AMIGO1: variants seen among roughly 807,000 people sequenced by gnomAD.
The protein encoded by AMIGO1 is adhesion molecule with Ig like domain 1.
For synonymous variants in AMIGO1, 249 were observed against 266.3 expected (o/e 0.93, Z 0.63); for missense variants, 361 against 612.3 (o/e 0.59, Z 4.33).
chr1:109,507,372 T>C lies in AMIGO1; in HGVS notation c.*59A>G. 2.0e-6 allele frequency: 3 copies of C among 1,532,054 alleles called. No homozygotes were observed. The highest frequency in any genetic ancestry group is 2.6e-6 in the Non-Finnish European group (3 of 1,137,298). 94.9% of individuals were successfully genotyped at this position (1,532,054 alleles called of 1,614,324 possible). On this transcript the variant is annotated 3_prime_UTR_variant, in exon 2 of 2. Transcript: ENST00000369864. This position sits in a 1 kb window ranked among gnomAD's most constrained non-coding sequence, Gnocchi z 4.7. The stretch of plus-strand genomic sequence containing the variant: ...GCCAGCCCTCTCTTCCATCCCCTCA[T>C]ATCCTTCAGGGGTGCATTACCTCTC...
rs1005277760 is a variant in AMIGO1, at chr1:109,507,489, C to T, written c.1424G>A (p.Arg475Lys). The T allele has an allele frequency of 1.9e-5, 30 of 1,613,726 alleles. No individual in the cohort carries two copies. The highest frequency in any genetic ancestry group is 2.2e-5 in the Non-Finnish European group (26 of 1,179,800). The change falls in exon 2 of 2, where the codon AGG (arginine) becomes AAG (lysine). Residue 475 changes from arginine (R) to lysine (K), a missense_variant. Physicochemically the swap from Arg to Lys is conservative, Grantham distance 26 (BLOSUM62 2). Transcript: ENST00000369864. This position sits in a 1 kb window ranked among gnomAD's most constrained non-coding sequence, Gnocchi z 4.7. Reference protein sequence around the residue: ...VPEATGKGQRRMSDPESVSSV... With the variant: ...VPEATGKGQRKMSDPESVSSV... The stretch of plus-strand genomic sequence containing the variant: ...GCTGACTGATTCTGGATCCGACATC[C>T]TCCGTTGGCCCTTGCCTGTGGCCTC...
chr1:109,507,818 T>C lies in AMIGO1; in HGVS notation c.1095A>G (p.Gly365=). The C allele has an allele frequency of 6.2e-7, 1 of 1,614,116 alleles. No homozygotes were observed. Among genetic ancestry groups the C allele is most frequent in the East Asian group, 2.2e-5 (1 of 44,890 alleles). ...AGGCTGTGTTGAGGGTGTCATGGTG[T>C]CCGTGCAAGGTGAAATTGTGCACTT... ...ELKVHNFTLH[G]HHDTLNTAYT... is the part of the protein sequence containing the mutation. Residue 365 remains glycine, a synonymous_variant, in exon 2 of 2, where the codon GGA becomes GGG. Transcript: ENST00000369864. The surrounding 1 kb of genome is among the most constrained non-coding windows in gnomAD (Gnocchi z 4.7).
intron 1 of AMIGO1, 129 bp from the exon 2 acceptor site, chr1:109,509,128 A>C: frequency 1.7e-6 from 1 of 600,748 alleles, no homozygotes; most frequent in South Asian, 2.2e-5. Flanking sequence ...GGTAGTTTCC[A>C]GGCACTGTGC....
rs768061906 is a variant in AMIGO1, at chr1:109,507,691, T to C, written c.1222A>G (p.Ser408Gly). 6.2e-7 allele frequency: 1 copy of C among 1,614,128 alleles called. No individual in the cohort carries two copies. Among genetic ancestry groups the C allele is most frequent in the South Asian group, 1.1e-5 (1 of 91,078 alleles). ...CWCRGVEKPS[S>G]HQGDSLSSSM... is the part of the protein sequence containing the mutation. ...GAGCTGAGGCTGTCTCCTTGATGGC[T>C]GGAAGGCTTCTCTACACCCCGGCAC... The change falls in exon 2 of 2, where the codon AGC becomes GGC. Residue 408 changes from serine to glycine, a missense_variant. By Grantham distance (56) the Ser-to-Gly change is moderately conservative. Transcript: ENST00000369864. The surrounding 1 kb of genome is among the most constrained non-coding windows in gnomAD (Gnocchi z 4.7).
Position 109,507,654 on chromosome 1 carries a change from C to T in AMIGO1, c.1259G>A (p.Ser420Asn). Residue 420 changes from serine (S) to asparagine (N), a missense_variant, in exon 2 of 2, where the codon AGT (serine) becomes AAT (asparagine). Physicochemically the swap from Ser to Asn is conservative, Grantham distance 46. Transcript: ENST00000369864. The surrounding 1 kb of genome is among the most constrained non-coding windows in gnomAD (Gnocchi z 4.7). ...CATAGGATCATGGTTGGGTGTGGTA[C>T]TAAGCATGGAAGAGCTGAGGCTGTC... is the stretch of plus-strand genomic sequence containing the variant. ...QGDSLSSSML[S>N]TTPNHDPMAG... 1 of 1,614,140 alleles carries T rather than the reference C, an allele frequency of 6.2e-7. No homozygotes were observed. The highest frequency in any genetic ancestry group is 8.5e-7 in the Non-Finnish European group (1 of 1,180,020).
rs1412200090 is a variant in AMIGO1, at chr1:109,505,813, C to T, written c.*1618G>A. On this transcript the variant is annotated 3_prime_UTR_variant, in exon 2 of 2. Coordinates refer to ENST00000369864, the MANE Select transcript of AMIGO1 (RefSeq NM_020703.4). The stretch of plus-strand genomic sequence containing the variant: ...GACTAGAAACGTGGGAGAGAAGAGA[C>T]CCTAAGAAAAACCAACATCAGAGAA... 1 of 152,308 alleles carries T rather than the reference C, an allele frequency of 6.6e-6. No individual in the cohort carries two copies. The highest frequency in any genetic ancestry group is 1.9e-4 in the East Asian group (1 of 5,180). 9.4% of individuals were successfully genotyped at this position (152,308 alleles called of 1,614,324 possible). A position where few individuals can be genotyped will look rare whatever the true frequency, so the allele number is the denominator to read the frequency against.
Position 109,505,212 on chromosome 1 carries a change from G to C in AMIGO1, c.*2219C>G, listed in dbSNP as rs1195299361. ...AGTCTTCACGGGAGGTTTCTGAGGA[G>C]TCCAAAGAACCAGGTAGCTCCTTAC... On this transcript the variant is annotated 3_prime_UTR_variant, in exon 2 of 2. Transcript: ENST00000369864. 6.6e-6 allele frequency: 1 copy of C among 152,204 alleles called. No homozygotes were observed. Among genetic ancestry groups the C allele is most frequent in the Non-Finnish European group, 1.5e-5 (1 of 68,044 alleles). The allele number at this position is 152,204 out of a possible 1,614,324, so 9.4% of individuals were successfully genotyped here.
Position 109,507,820 on chromosome 1 carries a change from C to T in AMIGO1, c.1093G>A (p.Gly365Arg), listed in dbSNP as rs1200989755. 22 of 1,613,914 alleles carry T rather than the reference C, an allele frequency of 1.4e-5. No individual in the cohort carries two copies. Among genetic ancestry groups the T allele is most frequent in the East Asian group, 2.2e-5 (1 of 44,896 alleles). Residue 365 changes from glycine (G) to arginine (R), a missense_variant, in exon 2 of 2, where the codon GGA becomes AGA. Gly to Arg is a moderately radical substitution (Grantham distance 125). Transcript: ENST00000369864. This position sits in a 1 kb window ranked among gnomAD's most constrained non-coding sequence, Gnocchi z 4.7. ...GCTGTGTTGAGGGTGTCATGGTGTCCGTGCAAGGTGAAATTGTGCACTTTC... is the reference window on the plus strand; with the variant it reads ...GCTGTGTTGAGGGTGTCATGGTGTCTGTGCAAGGTGAAATTGTGCACTTTC... Reference protein sequence around the residue: ...ELKVHNFTLHGHHDTLNTAYT... With the variant: ...ELKVHNFTLHRHHDTLNTAYT...
Position 109,507,260 on chromosome 1 carries a change from G to A in AMIGO1, c.*171C>T. On this transcript the variant is annotated 3_prime_UTR_variant, in exon 2 of 2. Coordinates refer to ENST00000369864, the MANE Select transcript of AMIGO1 (RefSeq NM_020703.4). The surrounding 1 kb of genome is among the most constrained non-coding windows in gnomAD (Gnocchi z 4.7). ...TAATATACCCCCATTTGAAAATCGT[G>A]GCAGCCACGCCCTGTTTGGGGTCTT... The A allele has an allele frequency of 1.2e-6, 1 of 848,830 alleles. No individual in the cohort carries two copies. The highest frequency in any genetic ancestry group is 1.8e-6 in the Non-Finnish European group (1 of 564,360). 52.6% of individuals were successfully genotyped at this position (848,830 alleles called of 1,614,324 possible).
Position 109,508,882 on chromosome 1 carries a change from A to C in AMIGO1, c.31T>G (p.Trp11Gly). Residue 11 changes from tryptophan (W) to glycine (G), a missense_variant, in exon 2 of 2, where the codon TGG becomes GGG. Physicochemically the swap from Trp to Gly is radical, Grantham distance 184 (BLOSUM62 -2). Coordinates refer to ENST00000369864, the MANE Select transcript of AMIGO1 (RefSeq NM_020703.4). This position sits in a 1 kb window ranked among gnomAD's most constrained non-coding sequence, Gnocchi z 7.8. Reference protein sequence around the residue: MHPHRDPRGLWLLLPSLSLLL... With the variant: MHPHRDPRGLGLLLPSLSLLL... Reference sequence around the variant, plus strand: ...AGGGACAAGGACGGCAGCAGGAGCCAGAGGCCTCTCGGGTCACGGTGGGGG... The same window carrying C: ...AGGGACAAGGACGGCAGCAGGAGCCCGAGGCCTCTCGGGTCACGGTGGGGG... 1 of 1,597,462 alleles carries C rather than the reference A, an allele frequency of 6.3e-7. No individual in the cohort carries two copies. Among genetic ancestry groups the C allele is most frequent in the Non-Finnish European group, 8.5e-7 (1 of 1,170,754 alleles).
In AMIGO1 at chr1:109,506,099, T is replaced by C. The variant is rs905181045; in HGVS notation, c.*1332A>G. ...AAAGTTTAGTACTACTGATTATCTC[T>C]GCTTCAGGATTGCCTGGAATCTGTG... On this transcript the variant is annotated 3_prime_UTR_variant, in exon 2 of 2. Transcript: ENST00000369864. The C allele has an allele frequency of 2.0e-5, 3 of 152,192 alleles. No individual in the cohort carries two copies. The highest frequency in any genetic ancestry group is 2.9e-5 in the Non-Finnish European group (2 of 68,026). The allele number at this position is 152,192 out of a possible 1,614,324, so 9.4% of individuals were successfully genotyped here. A position where few individuals can be genotyped will look rare whatever the true frequency, so the allele number is the denominator to read the frequency against.
rs2101060890 is a variant in AMIGO1, at chr1:109,508,974, T to C, written c.-62A>G. 6.8e-7 allele frequency: 1 copy of C among 1,459,876 alleles called. No individual in the cohort carries two copies. The highest frequency in any genetic ancestry group is 9.1e-7 in the Non-Finnish European group (1 of 1,102,770). 90.4% of individuals were successfully genotyped at this position (1,459,876 alleles called of 1,614,324 possible). A position where few individuals can be genotyped will look rare whatever the true frequency, so the allele number is the denominator to read the frequency against. On this transcript the variant is annotated 5_prime_UTR_variant, in exon 2 of 2. The change abolishes an upstream ATG in the 5' untranslated region. Coordinates refer to ENST00000369864, the MANE Select transcript of AMIGO1 (RefSeq NM_020703.4). The surrounding 1 kb of genome is among the most constrained non-coding windows in gnomAD (Gnocchi z 7.8). Reference sequence around the variant, plus strand: ...GATCTGGGAGGAGGTCACCCGGGCATGTTCTGGTGGGGTACGGAAGGGTCA... The same window carrying C: ...GATCTGGGAGGAGGTCACCCGGGCACGTTCTGGTGGGGTACGGAAGGGTCA...
chr1:109,507,418 C>T lies in AMIGO1; in HGVS notation c.*13G>A, dbSNP rs1299311856. 6 of 1,575,126 alleles carry T rather than the reference C, an allele frequency of 3.8e-6. No homozygotes were observed. In the African/African-American group the frequency reaches 8.1e-5, roughly 21 times the overall value. On this transcript the variant is annotated 3_prime_UTR_variant, in exon 2 of 2. Coordinates refer to ENST00000369864, the MANE Select transcript of AMIGO1 (RefSeq NM_020703.4). The surrounding 1 kb of genome is among the most constrained non-coding windows in gnomAD (Gnocchi z 4.7). ...CTCTCCTGGGGCAGAATCTCCCCAC[C>T]AACCCATCCTGCTCACACCACAATG...
rs1323341260 is a variant in AMIGO1 at position 109,505,899 on chromosome 1, T to G, written c.*1532A>C. 2 of 152,250 alleles carry G rather than the reference T, an allele frequency of 1.3e-5. No homozygotes were observed. Among genetic ancestry groups the G allele is most frequent in the African/African-American group, 4.8e-5 (2 of 41,446 alleles). 9.4% of individuals were successfully genotyped at this position (152,250 alleles called of 1,614,324 possible). Reference sequence around the variant, plus strand: ...GCTCAGAGCAGCCACTCACAGGGCATGCAGTGTAGTCAAAGGGAAAGGTTA... The same window carrying G: ...GCTCAGAGCAGCCACTCACAGGGCAGGCAGTGTAGTCAAAGGGAAAGGTTA... On this transcript the variant is annotated 3_prime_UTR_variant, in exon 2 of 2. Transcript: ENST00000369864.
chr1:109,507,997 T>G lies in AMIGO1; in HGVS notation c.916A>C (p.Asn306His). ...GMTKVWVTPS[N>H]ERVLDEVTNG... The stretch of plus-strand genomic sequence containing the variant: ...GTCACCTCATCTAGCACCCGTTCAT[T>G]ACTTGGTGTCACCCACACCTTGGTC... The change falls in exon 2 of 2, where the codon AAT becomes CAT. Residue 306 changes from asparagine (N) to histidine (H), a missense_variant. Transcript: ENST00000369864. This position sits in a 1 kb window ranked among gnomAD's most constrained non-coding sequence, Gnocchi z 4.7. 1 of 1,614,164 alleles carries G rather than the reference T, an allele frequency of 6.2e-7. No individual in the cohort carries two copies. Among genetic ancestry groups the G allele is most frequent in the Non-Finnish European group, 8.5e-7 (1 of 1,180,024 alleles).
chr1:109,507,500 C>T lies in AMIGO1; in HGVS notation c.1413G>A (p.Lys471=). ...CTGGATCCGACATCCTCCGTTGGCC[C>T]TTGCCTGTGGCCTCAGGCACTGGCA... ...NTLPVPEATG[K]GQRRMSDPES... is the part of the protein sequence containing the mutation. Residue 471 remains lysine, a synonymous_variant, in exon 2 of 2, where the codon AAG becomes AAA. Transcript: ENST00000369864. The surrounding 1 kb of genome is among the most constrained non-coding windows in gnomAD (Gnocchi z 4.7). 5 of 1,614,202 alleles carry T rather than the reference C, an allele frequency of 3.1e-6. No homozygotes were observed. The highest frequency in any genetic ancestry group is 4.2e-6 in the Non-Finnish European group (5 of 1,180,030).
rs749853651 is a variant in AMIGO1 at position 109,508,451 on chromosome 1, G to A, written c.462C>T (p.Phe154=). Residue 154 remains phenylalanine (F), a synonymous_variant, in exon 2 of 2, where the codon TTC becomes TTT. Transcript: ENST00000369864. This position sits in a 1 kb window ranked among gnomAD's most constrained non-coding sequence, Gnocchi z 7.8. The part of the protein sequence containing the change: ...NHIMAVDRCA[F]DDMAQLQKLY... ...GTTTCTGCAGCTGGGCCATGTCATC[G>A]AAGGCGCACCGGTCCACCGCCATGA... The A allele has an allele frequency of 1.2e-5, 20 of 1,613,960 alleles. No individual in the cohort carries two copies. The highest frequency in any genetic ancestry group is 1.6e-5 in the Non-Finnish European group (19 of 1,180,028).
In AMIGO1 at chr1:109,505,654, G is replaced by A. The variant is rs12730618; in HGVS notation, c.*1777C>T. 283 of 152,312 alleles carry A rather than the reference G, an allele frequency of 1.9e-3. 2 individuals carry two copies. Among genetic ancestry groups the A allele is most frequent in the African/African-American group, 6.6e-3 (276 of 41,560 alleles). 9.4% of individuals were successfully genotyped at this position (152,312 alleles called of 1,614,324 possible). ...TCCCAGGACCAGACAAGGGGAAGAT[G>A]TTGAGTCCCCTTCCCCAATCATAAT... On this transcript the variant is annotated 3_prime_UTR_variant, in exon 2 of 2. Transcript: ENST00000369864.
In AMIGO1 at chr1:109,508,971, G is replaced by A; in HGVS notation, c.-59C>T. The A allele has an allele frequency of 6.8e-7, 1 of 1,461,264 alleles. No homozygotes were observed. Among genetic ancestry groups the A allele is most frequent in the Non-Finnish European group, 9.1e-7 (1 of 1,103,134 alleles). The allele number at this position is 1,461,264 out of a possible 1,614,324, so 90.5% of individuals were successfully genotyped here. On this transcript the variant is annotated 5_prime_UTR_variant, in exon 2 of 2. Transcript: ENST00000369864. The surrounding 1 kb of genome is among the most constrained non-coding windows in gnomAD (Gnocchi z 7.8). ...GAAGATCTGGGAGGAGGTCACCCGG[G>A]CATGTTCTGGTGGGGTACGGAAGGG...
Sources: allele counts gnomAD v4.1 joint callset, GRCh38; gene constraint gnomAD v4.1.1; non-coding constraint Gnocchi (gnomAD v3.1); transcripts MANE v1.5; gene names NCBI Gene and HGNC (gene_info 2026-07-23, HGNC 2026-07-21).